Variants in HS6ST3 observed in about 807,000 individuals in gnomAD.
HS6ST3 encodes the protein heparan sulfate 6-O-sulfotransferase 3, also known as heparan-sulfate 6-O-sulfotransferase 3.
A neutral mutation model predicts 36.7 loss-of-function variants in HS6ST3; 12 were observed. The ratio of observed to expected loss-of-function variants is 0.33; its 90% CI spans 0.21 to 0.53. HS6ST3 has a LOEUF of 0.53. HS6ST3 is among the 20% of genes least tolerant of loss of function. The pLI is 0.95. For missense variants in HS6ST3, 584 were observed against 640.9 expected (o/e 0.91, Z 0.96); for synonymous variants, 240 against 257.5 (o/e 0.93, Z 0.65).
chr13:96,178,328 T>C (rs546168172), intron 1 of HS6ST3, among the ~76,000 whole-genome samples: 1 of 152,308 alleles, frequency 6.6e-6, no homozygotes, highest in South Asian at 2.1e-4. Context: ...CAGTGGGCCT[T>C]CTTCTCTGTG....
chr13:96,378,837 G>T (rs2139444927), intron 1 of HS6ST3, among the ~76,000 whole-genome samples: 1 of 152,238 alleles, frequency 6.6e-6, no homozygotes, highest in Non-Finnish European at 1.5e-5. Context: ...ATACTGTATG[G>T]ATTGGCAGTA....
chr13:96,207,751 C>T (rs192754336), intron 1 of HS6ST3, among the ~76,000 whole-genome samples: 128 of 152,284 alleles, frequency 8.4e-4, no homozygotes, highest in African/African-American at 2.6e-3. Context: ...CACATGTTCT[C>T]ACTTATAAGT....
At chr13:96,639,365 A>T (rs560554825) in intron 1 of HS6ST3, among the ~76,000 whole-genome samples, 9 of 151,678 alleles carry the variant, frequency 5.9e-5, no homozygotes, top group African/African-American at 1.2e-4. Context: ...TATTTTTGTT[A>T]CTGTTTGCAT....
intron 1 of HS6ST3, among the ~76,000 whole-genome samples, chr13:96,377,351 T>A (rs111969685): frequency 0.015 from 2,224 of 151,946 alleles, 26 homozygotes; most frequent in East Asian, 0.056. Flanking sequence ...AGACCCTGTC[T>A]CAAACAACAA....
chr13:96,173,539 T>C (rs2054198194), intron 1 of HS6ST3, among the ~76,000 whole-genome samples: 1 of 152,046 alleles, frequency 6.6e-6, no homozygotes, highest in African/African-American at 2.4e-5. Context: ...AAACCTATTA[T>C]AAGAGAGGTG....
chr13:96,235,288 T>C (rs1411638657), intron 1 of HS6ST3, among the ~76,000 whole-genome samples: 1 of 152,190 alleles, frequency 6.6e-6, no homozygotes, highest in Non-Finnish European at 1.5e-5. Flanking sequence ...GGGGATTATC[T>C]AGAAATCTAG....
At chr13:96,805,991 G>A (rs957123541) in intron 1 of HS6ST3, among the ~76,000 whole-genome samples, 1 of 152,096 alleles carries the variant, frequency 6.6e-6, no homozygotes, top group Admixed American at 6.5e-5. Flanking sequence ...CTGGAGGCGT[G>A]GATAGTGCTG....
intron 1 of HS6ST3, among the ~76,000 whole-genome samples, chr13:96,458,963 G>A (rs1433450334): frequency 6.6e-6 from 1 of 151,814 alleles, no homozygotes; most frequent in African/African-American, 2.4e-5. Context: ...AATTAGCTGG[G>A]CATGGTGGCA....
chr13:96,386,495 T>C (rs2055368643), intron 1 of HS6ST3, among the ~76,000 whole-genome samples: 1 of 152,136 alleles, frequency 6.6e-6, no homozygotes, highest in South Asian at 2.1e-4. Flanking sequence ...TGAGGAATAA[T>C]TGACAACTAA....
chr13:96,758,158 C>T (rs1488221606), intron 1 of HS6ST3, among the ~76,000 whole-genome samples: 1 of 151,536 alleles, frequency 6.6e-6, no homozygotes, highest in Admixed American at 6.6e-5. Flanking sequence ...TTTTCTTGTG[C>T]CAATTTTGAA....
At chr13:96,589,151 T>C (rs1266039416) in intron 1 of HS6ST3, among the ~76,000 whole-genome samples, 2 of 152,052 alleles carry the variant, frequency 1.3e-5, no homozygotes, top group East Asian at 3.9e-4. Context: ...TTGATAAAAG[T>C]CAGCAGTAAA....
rs536664583 is a variant in HS6ST3 at position 96,420,525 on chromosome 13, G to T, written c.707+328956G>T. ...TATTTTGCTAGTTTGGTGAATACTT[G>T]GGGGAATATCTAACTTTAGAGCAAC... On this transcript the variant is annotated intron_variant, in intron 1 of 1. Coordinates refer to ENST00000376705, the MANE Select transcript of HS6ST3 (RefSeq NM_153456.4). 5.3e-5 allele frequency among the ~76,000 whole-genome samples: 8 copies of T among 152,200 alleles called. No homozygotes were observed. In the South Asian group the frequency reaches 1.2e-3, roughly 24 times the overall value.
chr13:96,335,694 A>G (rs1169771755), intron 1 of HS6ST3, among the ~76,000 whole-genome samples: 2 of 152,192 alleles, frequency 1.3e-5, no homozygotes, highest in African/African-American at 4.8e-5. Flanking sequence ...GTGTAGTTTT[A>G]TAAATTAGCT....
At chr13:96,236,924 A>C (rs1365381460) in intron 1 of HS6ST3, among the ~76,000 whole-genome samples, 1 of 152,222 alleles carries the variant, frequency 6.6e-6, no homozygotes, top group East Asian at 1.9e-4. Flanking sequence ...TTATAAAGAA[A>C]AGAGGTTTAA....
chr13:96,297,601 T>C (rs2054861242), intron 1 of HS6ST3, among the ~76,000 whole-genome samples: 1 of 152,174 alleles, frequency 6.6e-6, no homozygotes, highest in Non-Finnish European at 1.5e-5. Context: ...GGAATCATTC[T>C]CTGTGCCCTT....
At chr13:96,265,432 G>A (rs370763083) in intron 1 of HS6ST3, among the ~76,000 whole-genome samples, 10 of 151,818 alleles carry the variant, frequency 6.6e-5, no homozygotes, top group Admixed American at 1.3e-4. Flanking sequence ...CTCCTGCCTC[G>A]GCCTCCCAAA....
intron 1 of HS6ST3, among the ~76,000 whole-genome samples, chr13:96,203,775 G>A (rs1392059340): frequency 6.6e-6 from 1 of 152,016 alleles, no homozygotes; most frequent in Non-Finnish European, 1.5e-5. Flanking sequence ...GTTCAAAGTG[G>A]GTTCAAATTT....
chr13:96,129,825 G>A lies in HS6ST3; in HGVS notation c.707+38256G>A, dbSNP rs138959168. Among the ~76,000 whole-genome samples, 434 of 152,272 alleles carry A rather than the reference G, an allele frequency of 2.9e-3. 3 individuals carry two copies. Among genetic ancestry groups the A allele is most frequent in the African/African-American group, 9.9e-3 (413 of 41,548 alleles). Reference sequence around the variant, plus strand: ...ATTTGAAGACAGACTCACATAGAGGGAGATGGGCCTGAAATAAATTGTTCT... The same window carrying A: ...ATTTGAAGACAGACTCACATAGAGGAAGATGGGCCTGAAATAAATTGTTCT... On this transcript the variant is annotated intron_variant, in intron 1 of 1. Transcript: ENST00000376705.
intron 1 of HS6ST3, among the ~76,000 whole-genome samples, chr13:96,558,059 C>T (rs1040364360): frequency 9.2e-5 from 14 of 152,162 alleles, no homozygotes; most frequent in African/African-American, 2.9e-4. Context: ...GTGTAATTAT[C>T]GTTTTTCTTT....
Sources: gnomAD v4.1 joint callset for allele counts (sites outside exome capture counted in the v4.1 genomes callset) on GRCh38, gnomAD v4.1.1 for gene constraint, MANE v1.5 for transcripts, NCBI Gene and HGNC (gene_info 2026-07-23, HGNC 2026-07-21) for gene names.